GET1: variants seen among roughly 807,000 people sequenced by gnomAD.
GET1 encodes congenital heart disease 5 protein.
Under a neutral mutation model 22.6 loss-of-function variants are expected in GET1, and 20 were observed. The observed-to-expected ratio is 0.89, with a 90% CI of 0.62 to 1.29. The LOEUF is 1.29. Among genes scored for constraint, GET1 ranks in the 50% most tolerant of loss-of-function variants. GET1 has a pLI of 0.00. For missense variants in GET1, 209 were observed against 219.9 expected, an observed-to-expected ratio of 0.95 and a Z score of 0.31; for synonymous variants, 92 against 83.8, an observed-to-expected ratio of 1.10 and a Z score of -0.53.
downstream of GET1, among the ~76,000 whole-genome samples, chr21:39,407,193 T>C (rs942548116): frequency 2.6e-5 from 4 of 152,186 alleles, no homozygotes; most frequent in African/African-American, 7.2e-5. Flanking sequence ...TGCCACTGCA[T>C]ACCAGCTTGG....
At chr21:39,404,347 A>T (rs532104113) in intron 4 of GET1, among the ~76,000 whole-genome samples, 42 of 152,348 alleles carry the variant, frequency 2.8e-4, no homozygotes, top group African/African-American at 9.9e-4. Context: ...GTATGCAACA[A>T]ATCTCAATAA....
At chr21:39,396,773 A>G in intron 4 of GET1, 93 bp from the exon 5 acceptor site, 1 of 1,161,528 alleles carries the variant, frequency 8.6e-7, no homozygotes, top group Admixed American at 1.7e-5. Context: ...AAAAGAATGG[A>G]AATACTCTCT....
intron 1 of GET1, among the ~76,000 whole-genome samples, chr21:39,419,048 A>G (rs2041810741): frequency 6.6e-6 from 1 of 152,058 alleles, no homozygotes. Context: ...TTCTTTACAA[A>G]GGGAAAATTT....
chr21:39,390,073 T>A (rs1380698419), intron 1 of GET1, among the ~76,000 whole-genome samples: 1 of 148,854 alleles, frequency 6.7e-6, no homozygotes, highest in Non-Finnish European at 1.5e-5. Context: ...GTGGTCGTTA[T>A]AGGGAGCCGA....
intron 1 of GET1, chr21:39,426,013 A>T (rs1282294381): frequency 6.6e-6 from 1 of 152,348 alleles, no homozygotes; most frequent in Non-Finnish European, 1.5e-5. Context: ...TTTAAAGATC[A>T]TATGGCTTGG....
intron 1 of GET1, chr21:39,423,559 A>G: frequency 7.3e-7 from 1 of 1,362,456 alleles, no homozygotes; most frequent in South Asian, 1.5e-5. Flanking sequence ...ACATATGCAT[A>G]ATCTCTCTCC....
chr21:39,401,945 G>C (rs568960341), downstream of GET1, among the ~76,000 whole-genome samples: 3 of 152,012 alleles, frequency 2.0e-5, no homozygotes, highest in African/African-American at 7.3e-5. Flanking sequence ...GGCCATTCCC[G>C]TCTCTCCCCC....
Position 39,390,793 on chromosome 21 carries a change from G to A in GET1, c.198G>A (p.Met66Ile), listed in dbSNP as rs760191325. 2 of 1,614,060 alleles carry A rather than the reference G, an allele frequency of 1.2e-6. No individual in the cohort carries two copies. Among genetic ancestry groups the A allele is most frequent in the African/African-American group, 2.7e-5 (2 of 74,906 alleles). Residue 66 changes from methionine to isoleucine, a missense_variant, in exon 2 of 5, where the codon ATG becomes ATA. Physicochemically the swap from Met to Ile is conservative, Grantham distance 10 (BLOSUM62 1). Coordinates refer to ENST00000649170, the MANE Select transcript of GET1 (RefSeq NM_004627.6). ...AGGAGCTCTCCACAGTCAACATGAT[G>A]GACGAGTTTGCCAGATATGCCAGGC... ...MKQELSTVNM[M>I]DEFARYARLE...
intron 1 of GET1, among the ~76,000 whole-genome samples, chr21:39,385,614 T>C (rs1212931752): frequency 6.6e-6 from 1 of 152,216 alleles, no homozygotes; most frequent in East Asian, 1.9e-4. Context: ...TCTGCAGCTC[T>C]GCGGGTGCAG....
downstream of GET1, chr21:39,410,510 T>C (rs1254647036): frequency 9.2e-6 from 5 of 541,116 alleles, no homozygotes; most frequent in Admixed American, 1.8e-4. Context: ...TATAAGCATT[T>C]GTTAGTTTCC....
chr21:39,391,951 CGT>C (rs2038327621), intron 3 of GET1, 115 bp downstream of exon 3: 16 of 960,054 alleles, frequency 1.7e-5, no homozygotes, highest in Non-Finnish European at 2.7e-5. Context: ...GCTGTCGTGT[CGT>C]GTGTCCCTGC....
chr21:39,410,688 C>T (rs2039939432), downstream of GET1, among the ~76,000 whole-genome samples: 2 of 152,240 alleles, frequency 1.3e-5, no homozygotes, highest in South Asian at 2.1e-4. Context: ...GCCAGGCCAC[C>T]GAGCTATCCT....
At chr21:39,391,025 C>G (rs918951946) in intron 2 of GET1, 162 bp downstream of exon 2, 8 of 702,444 alleles carry the variant, frequency 1.1e-5, no homozygotes, top group African/African-American at 7.1e-5. Context: ...TTACTTTCCT[C>G]TTATTTGCTG....
chr21:39,403,746 T>G (rs1374231777), intron 4 of GET1, among the ~76,000 whole-genome samples: 2 of 149,202 alleles, frequency 1.3e-5, no homozygotes, highest in African/African-American at 2.5e-5. Flanking sequence ...CTCAGCCTCC[T>G]GTGTAGCTGG....
exon 5 of GET1, chr21:39,406,410 T>G (rs1358421924): frequency 6.8e-6 from 11 of 1,613,842 alleles, no homozygotes; most frequent in South Asian, 5.5e-5. Context: ...TCTGCATGCT[T>G]CTTTTAAACT....
At chr21:39,380,905 G>A (rs1339842669) in intron 1 of GET1, 1 of 351,462 alleles carries the variant, frequency 2.8e-6, no homozygotes, top group Non-Finnish European at 3.9e-6. Context: ...TCGCGTCCAG[G>A]AGCCCACATT....
rs570338053 is a variant in GET1 at position 39,403,396 on chromosome 21, G to C, written c.350-2518G>C. Among the ~76,000 whole-genome samples, 4 of 152,156 alleles carry C rather than the reference G, an allele frequency of 2.6e-5. No homozygotes were observed. The East Asian group carries it at 5.8e-4, about 22-fold the overall frequency. ...GGCTGGAGTGCAGTGGTGCGATCTC[G>C]GCTCACTGCAAGCTCCGCCTCCCGG... is the stretch of plus-strand genomic sequence containing the variant. On this transcript the variant is annotated intron_variant, in intron 4 of 4. Coordinates refer to the GET1 transcript ENST00000415847.
exon 2 of GET1, chr21:39,428,310 T>G: frequency 6.2e-7 from 1 of 1,613,438 alleles, no homozygotes; most frequent in Non-Finnish European, 8.5e-7. Context: ...TACTGAGAAC[T>G]TAAACTTCCA....
chr21:39,416,408 C>T (rs1188433404), intron 1 of GET1, among the ~76,000 whole-genome samples: 2 of 152,156 alleles, frequency 1.3e-5, no homozygotes, highest in Non-Finnish European at 2.9e-5. Context: ...TTGATACTAC[C>T]CTAATGGTCC....
Sources: allele counts gnomAD v4.1 joint callset (sites outside exome capture counted in the v4.1 genomes callset), GRCh38; gene constraint gnomAD v4.1.1; transcripts MANE v1.5; gene names NCBI Gene and HGNC (gene_info 2026-07-23, HGNC 2026-07-21).